The following EPHB1 variants were observed in gnomAD, a reference collection of about 807,000 sequenced individuals.
The protein encoded by EPHB1 is EPH receptor B1, also known as ephrin type-B receptor 1.
EPHB1 carries 30 observed loss-of-function variants against 94.4 expected under a neutral mutation model. The observed-to-expected ratio is 0.32, with a 90% CI of 0.24 to 0.43. EPHB1 has a LOEUF of 0.43. EPHB1 is among the 20% of genes least tolerant of loss of function. EPHB1 has a pLI of 1.00. For missense variants in EPHB1, 1,055 were observed against 1,308.3 expected (o/e 0.81, Z 2.99); for synonymous variants, 522 against 489.1 (o/e 1.07, Z -0.89).
At chr3:134,833,693 G>A (rs760860980) in intron 1 of EPHB1, among the ~76,000 whole-genome samples, 3 of 152,178 alleles carry the variant, frequency 2.0e-5, no homozygotes, top group Admixed American at 6.5e-5. Flanking sequence ...CAGGCCTGAG[G>A]GTGTCTAGAG....
chr3:135,233,289 A>G (rs534930299), intron 12 of EPHB1, among the ~76,000 whole-genome samples: 5 of 152,368 alleles, frequency 3.3e-5, no homozygotes, highest in African/African-American at 9.6e-5. Flanking sequence ...CCCATTCCAA[A>G]GGGAAGAAAT....
intron 1 of EPHB1, among the ~76,000 whole-genome samples, chr3:134,807,494 A>G (rs2036085892): frequency 7.2e-6 from 1 of 138,724 alleles, no homozygotes; most frequent in Non-Finnish European, 1.6e-5. Context: ...TTGGGGAAGG[A>G]GTGTGTGTGT....
chr3:135,137,366 G>C (rs1940658181), intron 5 of EPHB1, among the ~76,000 whole-genome samples: 1 of 152,192 alleles, frequency 6.6e-6, no homozygotes, highest in South Asian at 2.1e-4. Flanking sequence ...GTTGACAACT[G>C]ATTAGAAAAT....
intron 5 of EPHB1, among the ~76,000 whole-genome samples, chr3:135,144,495 C>G (rs1940944761): frequency 6.6e-6 from 1 of 152,102 alleles, no homozygotes; most frequent in Non-Finnish European, 1.5e-5. Context: ...TGATATGGGA[C>G]TACATTTTGA....
chr3:135,184,115 A>C (rs1037444190), intron 10 of EPHB1, among the ~76,000 whole-genome samples: 1 of 152,200 alleles, frequency 6.6e-6, no homozygotes, highest in South Asian at 2.1e-4. Flanking sequence ...GGTATACCCA[A>C]ATGAATGTGA....
intron 2 of EPHB1, among the ~76,000 whole-genome samples, chr3:134,943,787 A>G (rs961762012): frequency 1.3e-5 from 2 of 152,114 alleles, no homozygotes; most frequent in African/African-American, 4.8e-5. Flanking sequence ...TACAGGGATA[A>G]AGGGGTAAGA....
intron 3 of EPHB1, among the ~76,000 whole-genome samples, chr3:134,987,965 G>A (rs1005971453): frequency 6.6e-6 from 1 of 152,138 alleles, no homozygotes; most frequent in Non-Finnish European, 1.5e-5. Flanking sequence ...GGCAGCCTAA[G>A]CAGACTATAC....
At chr3:135,003,958 A>C (rs1285619665) in intron 3 of EPHB1, among the ~76,000 whole-genome samples, 2 of 151,620 alleles carry the variant, frequency 1.3e-5, no homozygotes, top group Non-Finnish European at 2.9e-5. Context: ...GTCCATTTAC[A>C]TTTAAAGTTA....
intron 3 of EPHB1, among the ~76,000 whole-genome samples, chr3:135,034,309 T>C (rs576981895): frequency 3.9e-5 from 6 of 152,242 alleles, no homozygotes; most frequent in African/African-American, 1.4e-4. Context: ...CCTCAGACCT[T>C]CATGGTCCAC....
chr3:135,148,028 T>C (rs1475861693), intron 5 of EPHB1, among the ~76,000 whole-genome samples: 1 of 152,242 alleles, frequency 6.6e-6, no homozygotes, highest in African/African-American at 2.4e-5. Context: ...AGTAAACTGT[T>C]ATATCATTTG....
At chr3:134,804,105 TTG>T in intron 1 of EPHB1, among the ~76,000 whole-genome samples, 1 of 105,270 alleles carries the variant, frequency 9.5e-6, no homozygotes, top group African/African-American at 4.1e-5. Context: ...TTTTTTTTTT[TTG>T]CTGCATGTCT....
At chr3:135,142,199 G>A (rs1212339049) in intron 5 of EPHB1, among the ~76,000 whole-genome samples, 1 of 152,184 alleles carries the variant, frequency 6.6e-6, no homozygotes, top group Non-Finnish European at 1.5e-5. Context: ...AGTTTGAGGA[G>A]AATGGAAAAG....
chr3:134,799,457 C>T (rs1415685141), intron 1 of EPHB1, among the ~76,000 whole-genome samples: 3 of 152,330 alleles, frequency 2.0e-5, no homozygotes, highest in East Asian at 3.9e-4. Flanking sequence ...CAAAGTGGAA[C>T]GATCACCATT....
intron 1 of EPHB1, among the ~76,000 whole-genome samples, chr3:134,873,752 T>C (rs541520536): frequency 1.3e-5 from 2 of 152,288 alleles, no homozygotes; most frequent in South Asian, 4.1e-4. Flanking sequence ...CCTGTGATGA[T>C]GTTAAGAAGG....
At chr3:135,104,612 A>G (rs1319190207) in intron 3 of EPHB1, among the ~76,000 whole-genome samples, 2 of 152,248 alleles carry the variant, frequency 1.3e-5, no homozygotes, top group Non-Finnish European at 2.9e-5. Flanking sequence ...GTGAAAAAAC[A>G]TAGCATTTTA....
At chr3:134,939,244 A>C (rs1321395372) in intron 2 of EPHB1, among the ~76,000 whole-genome samples, 1 of 152,140 alleles carries the variant, frequency 6.6e-6, no homozygotes, top group Non-Finnish European at 1.5e-5. Context: ...TTCACAGTTT[A>C]GGGAATTCAT....
At chr3:135,007,682 T>C (rs1935473861) in intron 3 of EPHB1, among the ~76,000 whole-genome samples, 1 of 152,152 alleles carries the variant, frequency 6.6e-6, no homozygotes, top group African/African-American at 2.4e-5. Flanking sequence ...GATTTATAAT[T>C]TACATTTGTC....
At chr3:135,197,657 G>A (rs116583088) in intron 11 of EPHB1, among the ~76,000 whole-genome samples, 1,977 of 152,232 alleles carry the variant, frequency 0.013, 38 homozygotes, top group African/African-American at 0.046. Flanking sequence ...AAGTGGCTTC[G>A]GTGCATTTGC....
At chr3:134,884,220 G>A (rs1022484923) in intron 1 of EPHB1, among the ~76,000 whole-genome samples, 1 of 152,218 alleles carries the variant, frequency 6.6e-6, no homozygotes, top group Admixed American at 6.5e-5. Flanking sequence ...AAGGCTGGGG[G>A]AAAGCTGAGG....
Sources: allele counts gnomAD v4.1 joint callset (sites outside exome capture counted in the v4.1 genomes callset), GRCh38; gene constraint gnomAD v4.1.1; transcripts MANE v1.5; gene names NCBI Gene and HGNC (gene_info 2026-07-23, HGNC 2026-07-21).